Variants in KIAA1549 observed in about 807,000 individuals in gnomAD.
KIAA1549 encodes UPF0606 protein KIAA1549.
A neutral mutation model predicts 156.4 loss-of-function variants in KIAA1549; 70 were observed. That is an observed-to-expected ratio of 0.45 (90% CI 0.37 to 0.55). The LOEUF (loss-of-function observed/expected upper bound fraction) is 0.55, where lower values mean the gene tolerates loss of function less well. KIAA1549 is among the 20% of genes least tolerant of loss of function. KIAA1549 has a pLI of 0.00. For missense variants in KIAA1549, 2,428 were observed against 2,540.9 expected (o/e 0.96, Z 0.96); for synonymous variants, 1,103 against 1,066.4 (o/e 1.03, Z -0.67).
At chr7:138,899,352 C>T (rs563489458) in intron 8 of KIAA1549, among the ~76,000 whole-genome samples, 80 of 152,254 alleles carry the variant, frequency 5.3e-4, no homozygotes, top group African/African-American at 1.9e-3. Context: ...TGCTTCATCT[C>T]GCTCTACATC....
chr7:138,869,680 A>T lies in KIAA1549; in HGVS notation c.4633T>A (p.Tyr1545Asn). The change falls in exon 14 of 20, where the codon TAC becomes AAC. Residue 1545 changes from tyrosine to asparagine, a missense_variant. Around this residue, in one of 5 missense-constraint regions of KIAA1549, gnomAD observed 404 missense variants for 417.0 expected, o/e 0.97. Coordinates refer to ENST00000422774, the MANE Select transcript of KIAA1549 (RefSeq NM_001164665.2). ...AGGTCGTCTACCACCGGGAACTCGT[A>T]GTGCCCGCGGCGCTTGGCGCGCAGG... is the stretch of plus-strand genomic sequence containing the variant. ...IRLRAKRRGH[Y>N]EFPVVDDLSS... is the part of the protein sequence containing the mutation. 1 of 1,612,462 alleles carries T rather than the reference A, an allele frequency of 6.2e-7. No homozygotes were observed. Among genetic ancestry groups the T allele is most frequent in the Non-Finnish European group, 8.5e-7 (1 of 1,179,856 alleles).
intron 2 of KIAA1549, among the ~76,000 whole-genome samples, chr7:138,916,196 C>T (rs899571751): frequency 6.6e-6 from 1 of 152,216 alleles, no homozygotes; most frequent in Non-Finnish European, 1.5e-5. Context: ...AGTGCAGTCT[C>T]CTTTCAAGGA....
chr7:138,970,150 C>T (rs149193380), intron 1 of KIAA1549, among the ~76,000 whole-genome samples: 34 of 152,216 alleles, frequency 2.2e-4, no homozygotes, highest in African/African-American at 7.7e-4. Context: ...ACCTATTAGC[C>T]ATCCCCACTT....
intron 1 of KIAA1549, among the ~76,000 whole-genome samples, chr7:138,964,912 A>G (rs1242339185): frequency 6.6e-6 from 1 of 152,228 alleles, no homozygotes; most frequent in Non-Finnish European, 1.5e-5. Flanking sequence ...AAAAGTGTGT[A>G]AAGATGTATA....
intron 1 of KIAA1549, among the ~76,000 whole-genome samples, chr7:138,921,897 T>C (rs994863800): frequency 3.3e-5 from 5 of 151,912 alleles, no homozygotes; most frequent in African/African-American, 1.2e-4. Flanking sequence ...AGGCAGAAAT[T>C]TGGACACAGA....
intron 9 of KIAA1549, among the ~76,000 whole-genome samples, chr7:138,898,704 T>C (rs1306297571): frequency 1.3e-5 from 2 of 152,210 alleles, no homozygotes; most frequent in East Asian, 3.8e-4. Context: ...TTAAAGTTGA[T>C]GTACTATAAA....
intron 1 of KIAA1549, among the ~76,000 whole-genome samples, chr7:138,923,811 G>A (rs986508677): frequency 2.0e-5 from 3 of 152,060 alleles, no homozygotes; most frequent in African/African-American, 7.2e-5. Flanking sequence ...AAAATTCTGT[G>A]AATAGATTTT....
chr7:138,904,640 A>AAG (rs1563071192), intron 7 of KIAA1549, among the ~76,000 whole-genome samples: 3 of 147,206 alleles, frequency 2.0e-5, no homozygotes, highest in African/African-American at 2.5e-5. Flanking sequence ...AAAAAAAAAA[A>AAG]GCTTCCCAGG....
intron 1 of KIAA1549, among the ~76,000 whole-genome samples, chr7:138,936,433 A>G (rs1813011821): frequency 6.6e-6 from 1 of 152,100 alleles, no homozygotes; most frequent in African/African-American, 2.4e-5. Context: ...AGGCCTTACA[A>G]TGACCCGCTC....
At chr7:138,923,637 T>C (rs1180152677) in intron 1 of KIAA1549, among the ~76,000 whole-genome samples, 1 of 152,018 alleles carries the variant, frequency 6.6e-6, no homozygotes, top group Non-Finnish European at 1.5e-5. Flanking sequence ...TGGTTAAATC[T>C]AAACAAATAC....
chr7:138,882,365 G>A (rs946452753), intron 10 of KIAA1549, among the ~76,000 whole-genome samples: 1 of 152,242 alleles, frequency 6.6e-6, no homozygotes, highest in Non-Finnish European at 1.5e-5. Context: ...CACGTGAAGA[G>A]TGAAAGTGAC....
At chr7:138,980,366 AT>A (rs1814509332) in intron 1 of KIAA1549, among the ~76,000 whole-genome samples, 1 of 152,252 alleles carries the variant, frequency 6.6e-6, no homozygotes, top group African/African-American at 2.4e-5. Context: ...TTCTTCATAA[AT>A]CATGCCTCTT....
At chr7:138,915,181 C>T (rs1812282381) in intron 2 of KIAA1549, among the ~76,000 whole-genome samples, 1 of 152,176 alleles carries the variant, frequency 6.6e-6, no homozygotes, top group South Asian at 2.1e-4. Flanking sequence ...CCCCAGATGA[C>T]AATTCTACTT....
At chr7:138,883,412 A>C (rs1458102739) in intron 10 of KIAA1549, among the ~76,000 whole-genome samples, 1 of 150,256 alleles carries the variant, frequency 6.7e-6, no homozygotes, top group Non-Finnish European at 1.5e-5. Context: ...TCCCGGGTTC[A>C]AGTGATTCTC....
chr7:138,954,930 T>A (rs940871289), intron 1 of KIAA1549, among the ~76,000 whole-genome samples: 1 of 152,024 alleles, frequency 6.6e-6, no homozygotes, highest in East Asian at 1.9e-4. Context: ...AGGGAGACAG[T>A]AACATCCTGG....
At chr7:138,897,064 G>A (rs1045310782) in intron 9 of KIAA1549, among the ~76,000 whole-genome samples, 20 of 152,044 alleles carry the variant, frequency 1.3e-4, no homozygotes, top group African/African-American at 3.4e-4. Context: ...CGTGGTTTTC[G>A]GTACAAAACT....
intron 1 of KIAA1549, among the ~76,000 whole-genome samples, chr7:138,934,010 T>TA (rs1229595344): frequency 6.6e-6 from 1 of 151,962 alleles, no homozygotes; most frequent in African/African-American, 2.4e-5. Context: ...TCTTGCAAAA[T>TA]AAAAATAACT....
chr7:138,918,631 C>T lies in KIAA1549; in HGVS notation c.995G>A (p.Ser332Asn), dbSNP rs1268280474. The change falls in exon 2 of 20, where the codon AGC becomes AAC. Residue 332 changes from serine (S) to asparagine (N), a missense_variant. Transcript: ENST00000422774. This position sits in a 1 kb window ranked among gnomAD's most constrained non-coding sequence, Gnocchi z 4.2. Reference protein sequence around the residue: ...YTDVTTVLSQSLEETISPRTY... With the variant: ...YTDVTTVLSQNLEETISPRTY... ...TCTTGGAGAGATGGTTTCTTCTAGG[C>T]TTTGACTCAACACAGTGGTCACATC... The T allele has an allele frequency of 2.5e-6, 4 of 1,613,714 alleles. No homozygotes were observed. The Admixed American group carries it at 6.7e-5, about 27-fold the overall frequency.
intron 1 of KIAA1549, among the ~76,000 whole-genome samples, chr7:138,944,888 G>C (rs1014386514): frequency 6.6e-6 from 1 of 152,206 alleles, no homozygotes; most frequent in African/African-American, 2.4e-5. Context: ...GGGGCGAGGA[G>C]GGTGCAATGG....
Sources: gnomAD v4.1 joint callset for allele counts (sites outside exome capture counted in the v4.1 genomes callset) on GRCh38, gnomAD v4.1.1 for gene constraint, gnomAD v4.1.1 regional missense constraint, Gnocchi (gnomAD v3.1) non-coding constraint, MANE v1.5 for transcripts, NCBI Gene and HGNC (gene_info 2026-07-23, HGNC 2026-07-21) for gene names.